EYS: variants seen among roughly 807,000 people sequenced by gnomAD.
EYS encodes the protein EGF-like photoreceptor maintenance factor, also known as protein eyes shut homolog.
In EYS, 250 loss-of-function variants were observed where a neutral mutation model predicts 282.1. The ratio of observed to expected loss-of-function variants is 0.89; its 90% confidence interval spans 0.80 to 0.98. The LOEUF (loss-of-function observed/expected upper bound fraction) is 0.98, where lower values mean the gene tolerates loss of function less well. EYS is among the 50% of genes least tolerant of loss of function. EYS has a pLI of 0.00. For missense variants in EYS, 4,016 were observed against 3,709.0 expected (o/e 1.08, Z -2.15); for synonymous variants, 1,355 against 1,282.9 (o/e 1.06, Z -1.20).
chr6:64,660,050 G>A (rs1239741339), intron 22 of EYS, among the ~76,000 whole-genome samples: 1 of 152,148 alleles, frequency 6.6e-6, no homozygotes, highest in Non-Finnish European at 1.5e-5. Flanking sequence ...GATCAAGCAG[G>A]CTTCATCCCT....
chr6:64,151,317 T>TTA (rs61575285), intron 31 of EYS, among the ~76,000 whole-genome samples: 5,140 of 51,762 alleles, frequency 0.099, 135 homozygotes, highest in Middle Eastern at 0.13. Flanking sequence ...GTGTGTATAT[T>TTA]TATATATATA....
intron 30 of EYS, among the ~76,000 whole-genome samples, chr6:64,259,235 A>G (rs1433100113): frequency 6.6e-6 from 1 of 151,984 alleles, no homozygotes; most frequent in African/African-American, 2.4e-5. Context: ...CCCACTGGCT[A>G]CTCTTGCTCC....
chr6:65,165,487 T>G (rs1764951573), intron 12 of EYS, among the ~76,000 whole-genome samples: 1 of 151,258 alleles, frequency 6.6e-6, no homozygotes, highest in Non-Finnish European at 1.5e-5. Flanking sequence ...TGTGACATAT[T>G]CAAAATATTT....
chr6:63,764,340 G>T (rs1271535693), intron 40 of EYS, among the ~76,000 whole-genome samples: 1 of 151,910 alleles, frequency 6.6e-6, no homozygotes, highest in Non-Finnish European at 1.5e-5. Flanking sequence ...GAATTAATCT[G>T]CTACAAAATT....
intron 11 of EYS, among the ~76,000 whole-genome samples, chr6:65,320,212 A>C: frequency 7.2e-6 from 1 of 139,652 alleles, no homozygotes. Flanking sequence ...ACTGAAGTCA[A>C]GAGGGAGAAT....
In EYS at chr6:64,387,064, C is replaced by T. The variant is rs931458633; in HGVS notation, c.6078+1626G>A. Among the ~76,000 whole-genome samples, 3 of 152,096 alleles carry T rather than the reference C, an allele frequency of 2.0e-5. No homozygotes were observed. The South Asian group carries it at 6.2e-4, about 31-fold the overall frequency. On this transcript the variant is annotated intron_variant, in intron 29 of 42. Coordinates refer to ENST00000503581, the MANE Select transcript of EYS (RefSeq NM_001142800.2). ...TATTCTCTGGCTCCCACTCACCTAT[C>T]CAAAATCAAGTGTTCTTTCTGCTCA...
At chr6:65,042,158 A>G (rs950533958) in intron 13 of EYS, among the ~76,000 whole-genome samples, 1 of 151,574 alleles carries the variant, frequency 6.6e-6, no homozygotes, top group Non-Finnish European at 1.5e-5. Context: ...TCTGGGATCT[A>G]TTTGTTCTAA....
rs149555167 is a variant in EYS at position 64,183,599 on chromosome 6, G to C, written c.6424+46993C>G. On this transcript the variant is annotated intron_variant, in intron 31 of 42. Coordinates refer to ENST00000503581, the MANE Select transcript of EYS (RefSeq NM_001142800.2). ...AATAAAAATCTAGAAGTTTGGTTGT[G>C]AAACATGACTTATAAACTCAGATTA... 9.5e-4 allele frequency among the ~76,000 whole-genome samples: 144 copies of C among 152,266 alleles called. 2 individuals are homozygous for C. Among genetic ancestry groups the C allele is most frequent in the African/African-American group, 3.2e-3 (135 of 41,552 alleles).
chr6:65,026,632 T>C (rs1294509195), intron 13 of EYS, among the ~76,000 whole-genome samples: 1 of 152,034 alleles, frequency 6.6e-6, no homozygotes, highest in East Asian at 1.9e-4. Flanking sequence ...AAGATTCAGA[T>C]ATTGGCCGGG....
At chr6:64,024,546 C>A (rs1421520397) in intron 33 of EYS, among the ~76,000 whole-genome samples, 1 of 152,014 alleles carries the variant, frequency 6.6e-6, no homozygotes, top group Non-Finnish European at 1.5e-5. Flanking sequence ...GTTTGGGTCC[C>A]CTTCCACACT....
intron 12 of EYS, among the ~76,000 whole-genome samples, chr6:65,259,436 A>G (rs369958243): frequency 3.9e-5 from 6 of 152,120 alleles, no homozygotes; most frequent in South Asian, 4.1e-4. Flanking sequence ...GTCTTTGTGC[A>G]CCACAGTATA....
At chr6:63,948,033 C>G (rs1283339819) in intron 35 of EYS, among the ~76,000 whole-genome samples, 1 of 152,112 alleles carries the variant, frequency 6.6e-6, no homozygotes, top group Non-Finnish European at 1.5e-5. Context: ...ATACTAATGA[C>G]TCATGAGTAA....
At chr6:65,205,073 G>T (rs1467404009) in intron 12 of EYS, among the ~76,000 whole-genome samples, 3 of 141,920 alleles carry the variant, frequency 2.1e-5, no homozygotes, top group Non-Finnish European at 3.1e-5. Context: ...TATTCTAGAA[G>T]AATATATTTA....
At chr6:65,026,853 G>A (rs548267982) in intron 13 of EYS, among the ~76,000 whole-genome samples, 10 of 151,158 alleles carry the variant, frequency 6.6e-5, no homozygotes, top group African/African-American at 2.4e-4. Flanking sequence ...GGAGGCAGAG[G>A]TTGCAGTGAG....
intron 19 of EYS, among the ~76,000 whole-genome samples, chr6:64,857,893 T>C (rs1360091315): frequency 6.6e-6 from 1 of 152,178 alleles, no homozygotes; most frequent in East Asian, 1.9e-4. Context: ...TATCGACCAT[T>C]TGCATGTCTT....
intron 31 of EYS, among the ~76,000 whole-genome samples, chr6:64,169,701 C>G (rs1372000753): frequency 6.6e-6 from 1 of 151,992 alleles, no homozygotes; most frequent in African/African-American, 2.4e-5. Context: ...TTCTCATGTC[C>G]TGCTTGGCTC....
intron 2 of EYS, among the ~76,000 whole-genome samples, chr6:65,638,063 T>C (rs1767151234): frequency 6.6e-6 from 1 of 152,140 alleles, no homozygotes; most frequent in African/African-American, 2.4e-5. Context: ...TTTTCGGGCC[T>C]GCCAATGACA....
At chr6:64,454,022 A>C (rs1216470818) in intron 26 of EYS, among the ~76,000 whole-genome samples, 1 of 152,074 alleles carries the variant, frequency 6.6e-6, no homozygotes, top group Admixed American at 6.6e-5. Flanking sequence ...ATAAAAAAAA[A>C]ATTTGTTACC....
At position 64,073,516 on chromosome 6, in the gene EYS, AAC is replaced by A. The variant is rs367759493; in HGVS notation, c.6572-7027_6572-7026del. 5.8e-4 allele frequency among the ~76,000 whole-genome samples: 88 copies of A among 151,960 alleles called. No homozygotes were observed. In the East Asian group the frequency reaches 0.014, roughly 25 times the overall value. ...CAAACAGTATTAAAGACAATTTTCA[AAC>A]ACAATTATGGTAAAAATTATTTGAT... On this transcript the variant is annotated intron_variant, in intron 32 of 42. Coordinates refer to ENST00000503581, the MANE Select transcript of EYS (RefSeq NM_001142800.2).
Sources: gnomAD v4.1 joint callset for allele counts (sites outside exome capture counted in the v4.1 genomes callset) on GRCh38, gnomAD v4.1.1 for gene constraint, MANE v1.5 for transcripts, NCBI Gene and HGNC (gene_info 2026-07-23, HGNC 2026-07-21) for gene names.